The following RUNX3 variants were observed in gnomAD, a reference collection of about 807,000 sequenced individuals.
The protein encoded by RUNX3 is RUNX family transcription factor 3, also known as runt-related transcription factor 3.
In RUNX3, 10 loss-of-function variants were observed where a neutral mutation model predicts 27.7. The ratio of observed to expected loss-of-function variants is 0.36; its 90% CI spans 0.22 to 0.61. The LOEUF is 0.61. RUNX3 is among the 20% of genes least tolerant of loss of function. RUNX3 has a pLI of 0.72. For synonymous variants in RUNX3, 270 were observed against 269.2 expected, an observed-to-expected ratio of 1.00 and a Z score of -0.03; for missense variants, 469 against 629.5, an observed-to-expected ratio of 0.75 and a Z score of 2.73.
At chr1:24,908,157 ACGACACGCGG>A (rs1444578427) in intron 3 of RUNX3, among the ~76,000 whole-genome samples, 9 of 133,014 alleles carry the variant, frequency 6.8e-5, no homozygotes, top group South Asian at 2.3e-4. Flanking sequence ...CCGAACCTCT[ACGACACGCGG>A]TGATCCGAAG....
chr1:24,910,274 G>A (rs1640771224), intron 3 of RUNX3, among the ~76,000 whole-genome samples: 1 of 130,132 alleles, frequency 7.7e-6, no homozygotes, highest in African/African-American at 3.1e-5. Flanking sequence ...AGGTGACAGA[G>A]CAAGATTCCA....
At chr1:24,913,693 G>T (rs1024233815) in intron 3 of RUNX3, among the ~76,000 whole-genome samples, 2 of 152,234 alleles carry the variant, frequency 1.3e-5, no homozygotes, top group Non-Finnish European at 2.9e-5. Context: ...ACGCAGTGTG[G>T]GAGCTAGAGG....
At chr1:24,963,330 C>A (rs1044133344) in intron 2 of RUNX3, among the ~76,000 whole-genome samples, 4 of 152,182 alleles carry the variant, frequency 2.6e-5, no homozygotes, top group Admixed American at 2.0e-4. Flanking sequence ...GGTCAGCCAG[C>A]GGCAGGGCAG....
intron 2 of RUNX3, among the ~76,000 whole-genome samples, chr1:24,939,768 G>C (rs1324646173): frequency 1.3e-5 from 2 of 152,260 alleles, no homozygotes; most frequent in African/African-American, 4.8e-5. Context: ...GACAAGGAGA[G>C]CCTGTCTTCC....
At chr1:24,964,271 G>A (rs1370077672) in intron 2 of RUNX3, among the ~76,000 whole-genome samples, 6 of 152,222 alleles carry the variant, frequency 3.9e-5, no homozygotes, top group Non-Finnish European at 7.3e-5. Context: ...TGAGGTCTTG[G>A]AGTATCCATC....
Position 24,902,197 on chromosome 1 carries a change from G to C in RUNX3, c.1173C>G (p.Asp391Glu). ...CCGTGGGTGAGTTGCTGTGGCTGCC[G>C]TCGGCCTCCACGCCATCACTCTGGC... The part of the protein sequence containing the change: ...LGGQSDGVEA[D>E]GSHSNSPTAL... The change falls in exon 5 of 5, where the codon GAC (aspartate) becomes GAG (glutamate). Residue 391 changes from aspartate (D) to glutamate (E), a missense_variant. Transcript: ENST00000308873. This position sits in a 1 kb window ranked among gnomAD's most constrained non-coding sequence, Gnocchi z 9.2. 6.4e-7 allele frequency: 1 copy of C among 1,569,626 alleles called. No homozygotes were observed. The highest frequency in any genetic ancestry group is 1.2e-5 in the South Asian group (1 of 85,810).
chr1:24,916,902 G>A lies in RUNX3; in HGVS notation c.544+2338C>T, dbSNP rs765777648. 4.6e-5 allele frequency among the ~76,000 whole-genome samples: 7 copies of A among 152,148 alleles called. No homozygotes were observed. Among genetic ancestry groups the A allele is most frequent in the South Asian group, 2.1e-4 (1 of 4,834 alleles). On this transcript the variant is annotated intron_variant, in intron 3 of 4. Coordinates refer to ENST00000308873, the MANE Select transcript of RUNX3 (RefSeq NM_004350.3). The surrounding 1 kb of genome is among the most constrained non-coding windows in gnomAD (Gnocchi z 4.8). ...CTCTGTCCCTCCCTCTTGTTGCCTC[G>A]TCCTGAGCCACGCATTTACCTTCCA...
In RUNX3 at chr1:24,927,932, G is replaced by T. The variant is rs1001970180; in HGVS notation, c.283-202C>A. ...CACGAAAACAAGAAGATGGAATCTCGAGCTTCCACACCAAAATCCTAGATC... is the reference window on the plus strand; with the variant it reads ...CACGAAAACAAGAAGATGGAATCTCTAGCTTCCACACCAAAATCCTAGATC... On this transcript the variant is annotated intron_variant, in intron 1 of 4. Transcript: ENST00000308873. This position sits in a 1 kb window ranked among gnomAD's most constrained non-coding sequence, Gnocchi z 5.0. Among the ~76,000 whole-genome samples the T allele has an allele frequency of 1.3e-5, 2 of 152,158 alleles. No homozygotes were observed. Among genetic ancestry groups the T allele is most frequent in the South Asian group, 2.1e-4 (1 of 4,826 alleles).
intron 2 of RUNX3, among the ~76,000 whole-genome samples, chr1:24,946,911 C>T (rs1305265608): frequency 1.3e-5 from 2 of 152,210 alleles, no homozygotes; most frequent in African/African-American, 4.8e-5. Context: ...GCTGAAAATA[C>T]CCATTTACTC....
chr1:24,949,210 G>A (rs576586876), intron 2 of RUNX3, among the ~76,000 whole-genome samples: 1 of 152,104 alleles, frequency 6.6e-6, no homozygotes, highest in South Asian at 2.1e-4. Flanking sequence ...TGAGAGGGAG[G>A]TACTGTTATT....
chr1:24,952,150 T>C (rs556290310), intron 2 of RUNX3, among the ~76,000 whole-genome samples: 1 of 152,362 alleles, frequency 6.6e-6, no homozygotes, highest in East Asian at 1.9e-4. Context: ...TTTTCCCTTT[T>C]GTATTTAGGA....
At position 24,927,130 on chromosome 1, in the gene RUNX3, C is replaced by T. The variant is rs550957723; in HGVS notation, c.439+444G>A. 6.6e-6 allele frequency among the ~76,000 whole-genome samples: 1 copy of T among 152,330 alleles called. No individual in the cohort carries two copies. Among genetic ancestry groups the T allele is most frequent in the African/African-American group, 2.4e-5 (1 of 41,566 alleles). ...GGGAGACCACAGCTGGAGAGACAGC[C>T]TCAGAGTGTGGGGGATATTCTGCCC... On this transcript the variant is annotated intron_variant, in intron 2 of 4. Coordinates refer to ENST00000308873, the MANE Select transcript of RUNX3 (RefSeq NM_004350.3). This position sits in a 1 kb window ranked among gnomAD's most constrained non-coding sequence, Gnocchi z 5.0.
chr1:24,952,359 G>C (rs1381438592), intron 2 of RUNX3, among the ~76,000 whole-genome samples: 1 of 152,176 alleles, frequency 6.6e-6, no homozygotes, highest in East Asian at 1.9e-4. Context: ...ATAAACAGTT[G>C]AGCATACACT....
chr1:24,947,873 C>T (rs1641651060), intron 2 of RUNX3, among the ~76,000 whole-genome samples: 1 of 152,228 alleles, frequency 6.6e-6, no homozygotes, highest in East Asian at 1.9e-4. Flanking sequence ...CCAGGACTGG[C>T]TTCCTCTGCC....
At position 24,902,033 on chromosome 1, in the gene RUNX3, T is replaced by C. The variant is rs72874392; in HGVS notation, c.*89A>G. On this transcript the variant is annotated 3_prime_UTR_variant, in exon 5 of 5. Coordinates refer to ENST00000308873, the MANE Select transcript of RUNX3 (RefSeq NM_004350.3). The surrounding 1 kb of genome is among the most constrained non-coding windows in gnomAD (Gnocchi z 9.2). ...AGACCACCCTGGAGCGCAGGTCCCA[T>C]TCCCGCCCGGAGCCTCGGAGCCGGC... 16,328 of 1,291,624 alleles carry C rather than the reference T, an allele frequency of 0.013. 1,549 individuals are homozygous for C. In the African/African-American group the frequency reaches 0.21, roughly 17 times the overall value. 80.0% of individuals were successfully genotyped at this position (1,291,624 alleles called of 1,614,324 possible). A position where few individuals can be genotyped will look rare whatever the true frequency, so the allele number is the denominator to read the frequency against.
intron 3 of RUNX3, among the ~76,000 whole-genome samples, chr1:24,908,267 G>C (rs886867843): frequency 2.7e-5 from 4 of 150,272 alleles, no homozygotes; most frequent in Non-Finnish European, 5.9e-5. Context: ...ACGACACGCG[G>C]TGATCCAAAC....
chr1:24,921,202 G>T (rs1640994111), intron 2 of RUNX3, among the ~76,000 whole-genome samples: 1 of 152,220 alleles, frequency 6.6e-6, no homozygotes, highest in African/African-American at 2.4e-5. Context: ...ATGAAGCTCA[G>T]GGTGGAGACC....
intron 2 of RUNX3, among the ~76,000 whole-genome samples, chr1:24,919,732 A>C (rs1640958829): frequency 6.6e-6 from 1 of 151,730 alleles, no homozygotes; most frequent in Non-Finnish European, 1.5e-5. Context: ...CATACAAAAT[A>C]TAAATAAAGA....
At chr1:24,928,262 C>T (rs1227909241) in intron 1 of RUNX3, among the ~76,000 whole-genome samples, 1 of 152,200 alleles carries the variant, frequency 6.6e-6, no homozygotes, top group Non-Finnish European at 1.5e-5. Flanking sequence ...ATTCGTTATG[C>T]AGAGAAAATG....
Sources: gnomAD v4.1 joint callset for allele counts (sites outside exome capture counted in the v4.1 genomes callset) on GRCh38, gnomAD v4.1.1 for gene constraint, Gnocchi (gnomAD v3.1) non-coding constraint, MANE v1.5 for transcripts, NCBI Gene and HGNC (gene_info 2026-07-23, HGNC 2026-07-21) for gene names.